Variants in PRMT7 observed in about 807,000 individuals in gnomAD.
The protein encoded by PRMT7 is protein arginine methyltransferase 7.
PRMT7 carries 75 observed loss-of-function variants against 85.4 expected under a neutral mutation model. The ratio of observed to expected loss-of-function variants is 0.88; its 90% CI spans 0.73 to 1.06. PRMT7 has a LOEUF of 1.06. Ranked by LOEUF, PRMT7 falls within the 50% of genes least tolerant of loss-of-function variation. The probability of loss-of-function intolerance (pLI) is 0.00; values close to 1 mark genes in which losing one functional copy is unlikely to be tolerated. For synonymous variants in PRMT7, 397 were observed against 359.5 expected, an observed-to-expected ratio of 1.10 and a Z score of -1.18; for missense variants, 868 against 915.2, an observed-to-expected ratio of 0.95 and a Z score of 0.67.
Position 68,348,445 on chromosome 16 carries a change from G to A in PRMT7, c.1413+14G>A, listed in dbSNP as rs1776446914. ...CAGGGCAGAAAGGTGAGTAGCGGGA[G>A]CCTTTTGGCCACGCTGGGCTGTGTT... On this transcript the variant is annotated intron_variant, in intron 14 of 18. Transcript: ENST00000441236. The A allele has an allele frequency of 2.5e-6, 4 of 1,592,558 alleles. No homozygotes were observed. Among genetic ancestry groups the A allele is most frequent in the Non-Finnish European group, 3.4e-6 (4 of 1,160,674 alleles).
rs1414443178 is a variant in PRMT7, at chr16:68,358,255, C to T, written c.*1031C>T. 6.6e-6 allele frequency: 1 copy of T among 152,602 alleles called. No homozygotes were observed. The highest frequency in any genetic ancestry group is 1.5e-5 in the Non-Finnish European group (1 of 68,052). The allele number at this position is 152,602 out of a possible 1,614,324, so 9.5% of individuals were successfully genotyped here. A position where few individuals can be genotyped will look rare whatever the true frequency, so the allele number is the denominator to read the frequency against. ...TCCTGCAGTTGGGGGCAGGAACTCC[C>T]TCCCCTGCCCCCAGGCGTGCCCCTG... is the stretch of plus-strand genomic sequence containing the variant. On this transcript the variant is annotated 3_prime_UTR_variant, in exon 19 of 19. Coordinates refer to ENST00000441236, the MANE Select transcript of PRMT7 (RefSeq NM_019023.5).
intron 2 of PRMT7, among the ~76,000 whole-genome samples, chr16:68,313,794 G>A (rs2044296893): frequency 6.6e-6 from 1 of 152,212 alleles, no homozygotes; most frequent in African/African-American, 2.4e-5. Flanking sequence ...AGTGCAGCTG[G>A]GTGCCGTGGT....
In PRMT7 at chr16:68,352,204, G is replaced by C. The variant is rs943650328; in HGVS notation, c.1414-44G>C. 3 of 1,598,048 alleles carry C rather than the reference G, an allele frequency of 1.9e-6. No homozygotes were observed. In the African/African-American group the frequency reaches 4.0e-5, roughly 21 times the overall value. On this transcript the variant is annotated intron_variant, in intron 14 of 18. Coordinates refer to ENST00000441236, the MANE Select transcript of PRMT7 (RefSeq NM_019023.5). ...GTGTTCCTGTTAACACTCCTGGACC[G>C]AGCCCTACTGACACCTGGGCCCTGC...
chr16:68,347,389 G>C, intron 12 of PRMT7, 95 bp downstream of exon 12: 1 of 1,301,058 alleles, frequency 7.7e-7, no homozygotes. Context: ...AAGGCTCTTT[G>C]CAAAGGCCAC....
intron 16 of PRMT7, 154 bp from the exon 17 acceptor site, chr16:68,355,569 G>A: frequency 1.4e-6 from 1 of 716,944 alleles, no homozygotes; most frequent in Non-Finnish European, 2.0e-6. Flanking sequence ...AAGTGGCAGA[G>A]AGGGGGCGCC....
chr16:68,352,106 G>A, intron 14 of PRMT7, 142 bp from the exon 15 acceptor site: 1 of 813,588 alleles, frequency 1.2e-6, no homozygotes, highest in Non-Finnish European at 1.9e-6. Context: ...GGGAATGAGT[G>A]AGTGACTGAG....
intron 9 of PRMT7, among the ~76,000 whole-genome samples, chr16:68,342,476 G>A (rs1482495058): frequency 6.6e-6 from 1 of 152,150 alleles, no homozygotes; most frequent in African/African-American, 2.4e-5. Context: ...AATAGAACCT[G>A]TCTCTACCCA....
rs2088717127 is a variant in PRMT7 at position 68,357,129 on chromosome 16, C to T, written c.1984C>T (p.Leu662=). ...CCCTGCCCCAGATCCCAGAGCACTG[C>T]TGGGTGGCCCACGGACTGTCAGCTA... ...FSPAPDPRAL[L]GGPRTVSYAV... is the part of the protein sequence containing the mutation. The change falls in exon 19 of 19, where the codon CTG becomes TTG. Residue 662 remains leucine (L), a synonymous_variant. Coordinates refer to ENST00000441236, the MANE Select transcript of PRMT7 (RefSeq NM_019023.5). 6.2e-7 allele frequency: 1 copy of T among 1,614,014 alleles called. No homozygotes were observed. The highest frequency in any genetic ancestry group is 8.5e-7 in the Non-Finnish European group (1 of 1,180,034).
chr16:68,352,977 G>A (rs1192580607), intron 15 of PRMT7, among the ~76,000 whole-genome samples: 3 of 152,158 alleles, frequency 2.0e-5, no homozygotes, highest in African/African-American at 7.2e-5. Context: ...TTTCTCCTGT[G>A]TTACTTGTTT....
chr16:68,346,662 C>T (rs571035215), intron 11 of PRMT7, among the ~76,000 whole-genome samples: 1 of 152,130 alleles, frequency 6.6e-6, no homozygotes, highest in Non-Finnish European at 1.5e-5. Context: ...AAAACCTTTG[C>T]TCCCTGCTAC....
rs989259018 is a variant in PRMT7, at chr16:68,357,138, C to T, written c.1993C>T (p.Pro665Ser). The T allele has an allele frequency of 2.5e-6, 4 of 1,613,988 alleles. No homozygotes were observed. The African/African-American group carries it at 4.0e-5, about 16-fold the overall frequency. Residue 665 changes from proline (P) to serine (S), a missense_variant, in exon 19 of 19, where the codon CCA (proline) becomes TCA (serine). Pro to Ser is a moderately conservative substitution (Grantham distance 74). Coordinates refer to ENST00000441236, the MANE Select transcript of PRMT7 (RefSeq NM_019023.5). ...AGATCCCAGAGCACTGCTGGGTGGC[C>T]CACGGACTGTCAGCTATGCAGTGGA... is the stretch of plus-strand genomic sequence containing the variant. ...APDPRALLGG[P>S]RTVSYAVEFH...
Position 68,317,854 on chromosome 16 carries a change from CCACA to C in PRMT7, c.95+1789_95+1792del, listed in dbSNP as rs2082054014. On this transcript the variant is annotated intron_variant, in intron 3 of 18. Coordinates refer to ENST00000441236, the MANE Select transcript of PRMT7 (RefSeq NM_019023.5). Reference sequence around the variant, plus strand: ...CTCAAAAAAAAAAAAAGAAAAAAAACCACACACACACAGATGGGCTATTCTGGGG... The same window carrying C: ...CTCAAAAAAAAAAAAAGAAAAAAAACCACACACAGATGGGCTATTCTGGGG... Among the ~76,000 whole-genome samples, 3 of 9,366 alleles carry C rather than the reference CCACA, an allele frequency of 3.2e-4. No individual in the cohort carries two copies. In the Admixed American group the frequency reaches 3.4e-3, roughly 11 times the overall value. 6.1% of individuals were successfully genotyped at this position (9,366 alleles called of 152,430 possible). A position where few individuals can be genotyped will look rare whatever the true frequency, so the allele number is the denominator to read the frequency against.
At chr16:68,321,675 A>C in intron 4 of PRMT7, 1 of 482,966 alleles carries the variant, frequency 2.1e-6, no homozygotes, top group East Asian at 3.2e-5. Flanking sequence ...CTGACAAATA[A>C]AAATGGTCTA....
intron 6 of PRMT7, among the ~76,000 whole-genome samples, chr16:68,330,255 G>C (rs1056964439): frequency 6.6e-6 from 1 of 152,136 alleles, no homozygotes; most frequent in African/African-American, 2.4e-5. Context: ...ACATGCCACT[G>C]ACACTTAGAG....
chr16:68,312,657 T>C (rs921440151), intron 2 of PRMT7, among the ~76,000 whole-genome samples: 1 of 152,196 alleles, frequency 6.6e-6, no homozygotes, highest in African/African-American at 2.4e-5. Flanking sequence ...TTTACAACTC[T>C]TGGAGAATGA....
At chr16:68,352,499 C>A in intron 15 of PRMT7, 90 bp downstream of exon 15, 2 of 1,295,556 alleles carry the variant, frequency 1.5e-6, no homozygotes, top group Non-Finnish European at 2.1e-6. Context: ...GCCTGTAGAG[C>A]GGCTCAGGCC....
At chr16:68,326,103 A>G (rs2083083706) in intron 5 of PRMT7, among the ~76,000 whole-genome samples, 1 of 152,218 alleles carries the variant, frequency 6.6e-6, no homozygotes, top group East Asian at 1.9e-4. Context: ...GTAAATACCA[A>G]ATAAAAATAG....
intron 18 of PRMT7, 37 bp downstream of exon 18, chr16:68,356,834 C>T (rs369322178): frequency 1.4e-5 from 22 of 1,571,480 alleles, no homozygotes; most frequent in Non-Finnish European, 1.7e-5. Flanking sequence ...TGCGTGCAGA[C>T]CCTGAGAGCA....
At chr16:68,343,208 A>G (rs1016914631) in intron 9 of PRMT7, among the ~76,000 whole-genome samples, 5 of 151,752 alleles carry the variant, frequency 3.3e-5, no homozygotes, top group African/African-American at 4.8e-5. Context: ...CCGTCTCAAA[A>G]AAAAAAAAAG....
Sources: allele counts gnomAD v4.1 joint callset (sites outside exome capture counted in the v4.1 genomes callset), GRCh38; gene constraint gnomAD v4.1.1; transcripts MANE v1.5; gene names NCBI Gene and HGNC (gene_info 2026-07-23, HGNC 2026-07-21).